The following OPCML variants were observed in gnomAD, a reference collection of about 807,000 sequenced individuals.
OPCML encodes the protein opioid-binding protein/cell adhesion molecule.
A neutral mutation model predicts 37.8 loss-of-function variants in OPCML; 13 were observed. That is an observed-to-expected ratio of 0.34 (90% confidence interval 0.22 to 0.55). The LOEUF (loss-of-function observed/expected upper bound fraction) is 0.55, where lower values mean the gene tolerates loss of function less well. Among genes scored for constraint, OPCML ranks in the 20% least tolerant of loss-of-function variants. OPCML has a pLI of 0.91. For synonymous variants in OPCML, 176 were observed against 168.8 expected (o/e 1.04, Z -0.33); for missense variants, 341 against 435.6 (o/e 0.78, Z 1.93).
intron 1 of OPCML, among the ~76,000 whole-genome samples, chr11:133,235,274 G>C (rs1322745986): frequency 1.3e-5 from 2 of 152,176 alleles, no homozygotes; most frequent in Non-Finnish European, 1.5e-5. Context: ...CCCTCAGTAA[G>C]AGACCAACGT....
intron 3 of OPCML, among the ~76,000 whole-genome samples, chr11:132,596,226 TG>T (rs2096492206): frequency 6.6e-6 from 1 of 152,210 alleles, no homozygotes; most frequent in Non-Finnish European, 1.5e-5. Context: ...ATTTGGCTAC[TG>T]TTATTATTGT....
At chr11:132,710,146 C>T (rs2135945872) in intron 2 of OPCML, among the ~76,000 whole-genome samples, 1 of 152,214 alleles carries the variant, frequency 6.6e-6, no homozygotes, top group South Asian at 2.1e-4. Context: ...ACCTGGGCCA[C>T]AAATATTTCA....
chr11:133,491,440 G>C lies in OPCML; in HGVS notation c.61+40824C>G, dbSNP rs147930471. On this transcript the variant is annotated intron_variant, in intron 1 of 7. Coordinates refer to ENST00000524381, the MANE Select transcript of OPCML (RefSeq NM_001012393.5). ...TCCTCTTGAGAGGAGAAGAGGCTGG[G>C]CTGGGAACATTCTTATTGTGTGGTT... Among the ~76,000 whole-genome samples the C allele has an allele frequency of 1.7e-4, 26 of 152,286 alleles. No homozygotes were observed. In the East Asian group the frequency reaches 5.0e-3, roughly 29 times the overall value.
intron 4 of OPCML, among the ~76,000 whole-genome samples, chr11:132,464,005 T>C (rs985821915): frequency 6.6e-6 from 1 of 152,252 alleles, no homozygotes. Context: ...TCCCTGGAGT[T>C]TGAACTACTA....
intron 1 of OPCML, among the ~76,000 whole-genome samples, chr11:133,261,803 C>T (rs1012405901): frequency 1.3e-5 from 2 of 152,200 alleles, no homozygotes; most frequent in Admixed American, 6.5e-5. Context: ...CTTCTGTGAG[C>T]GGCACCCTCA....
rs371785265 is a variant in OPCML, at chr11:132,746,446, C to T, written c.147-89127G>A. Among the ~76,000 whole-genome samples the T allele has an allele frequency of 5.3e-5, 8 of 152,224 alleles. No homozygotes were observed. In the South Asian group the frequency reaches 1.0e-3, roughly 20 times the overall value. On this transcript the variant is annotated intron_variant, in intron 2 of 7. Coordinates refer to ENST00000524381, the MANE Select transcript of OPCML (RefSeq NM_001012393.5). Reference sequence around the variant, plus strand: ...GACACCACTCTCATCGGCGTTTATACCCACTCCTCCCCCCACCTCTGTGTC... The same window carrying T: ...GACACCACTCTCATCGGCGTTTATATCCACTCCTCCCCCCACCTCTGTGTC...
intron 1 of OPCML, among the ~76,000 whole-genome samples, chr11:133,140,531 T>TAATAATAATAATGAAGAAG (rs1272061685): frequency 1.1e-5 from 1 of 88,086 alleles, no homozygotes; most frequent in Non-Finnish European, 2.2e-5. Context: ...ATAATAATAA[T>TAATAATAATAATGAAGAAG]AAGAAGAAGA....
chr11:133,172,027 C>T (rs1402767493), intron 1 of OPCML, among the ~76,000 whole-genome samples: 1 of 152,226 alleles, frequency 6.6e-6, no homozygotes. Context: ...CAGAAGCTCC[C>T]TGTATGGAAA....
intron 1 of OPCML, among the ~76,000 whole-genome samples, chr11:133,031,028 T>C (rs1947657618): frequency 6.6e-6 from 1 of 152,232 alleles, no homozygotes; most frequent in Admixed American, 6.5e-5. Context: ...AGGATATAAT[T>C]TCCAGAGAAA....
At chr11:132,448,414 C>T (rs1002622352) in intron 4 of OPCML, among the ~76,000 whole-genome samples, 4 of 152,188 alleles carry the variant, frequency 2.6e-5, no homozygotes, top group Admixed American at 6.5e-5. Flanking sequence ...CTGCACACTT[C>T]GCAGAGCATA....
chr11:133,470,074 T>C (rs1452406792), intron 1 of OPCML, among the ~76,000 whole-genome samples: 1 of 152,202 alleles, frequency 6.6e-6, no homozygotes, highest in Admixed American at 6.5e-5. Context: ...TGATTTATTC[T>C]ACCTTCCCTG....
intron 1 of OPCML, among the ~76,000 whole-genome samples, chr11:133,280,645 T>G (rs7949624): frequency 0.033 from 4,994 of 152,278 alleles, 247 homozygotes; most frequent in African/African-American, 0.11. Flanking sequence ...TTTAGCAGGA[T>G]ATTCATATGC....
chr11:132,842,262 G>T (rs751039315), intron 2 of OPCML, among the ~76,000 whole-genome samples: 1 of 152,074 alleles, frequency 6.6e-6, no homozygotes, highest in African/African-American at 2.4e-5. Flanking sequence ...CTCTCACGCC[G>T]CACGTTCCAC....
chr11:133,423,865 C>G (rs974155638), intron 1 of OPCML, among the ~76,000 whole-genome samples: 12 of 151,776 alleles, frequency 7.9e-5, no homozygotes, highest in Non-Finnish European at 1.6e-4. Context: ...GCACCTCCAC[C>G]CCCTCTATTT....
At chr11:133,166,338 G>A (rs1950207837) in intron 1 of OPCML, among the ~76,000 whole-genome samples, 1 of 152,190 alleles carries the variant, frequency 6.6e-6, no homozygotes, top group East Asian at 1.9e-4. Flanking sequence ...TAGCCAGGTA[G>A]TAGTAAGTGC....
chr11:133,484,142 A>G (rs913989642), intron 1 of OPCML, among the ~76,000 whole-genome samples: 1 of 144,070 alleles, frequency 6.9e-6, no homozygotes, highest in African/African-American at 2.7e-5. Context: ...GATAGATGAT[A>G]GATGGATAGA....
At chr11:133,294,034 G>T (rs1037882065) in intron 1 of OPCML, among the ~76,000 whole-genome samples, 1 of 152,086 alleles carries the variant, frequency 6.6e-6, no homozygotes, top group African/African-American at 2.4e-5. Flanking sequence ...TGTGTGAGAA[G>T]AGTTAAGGGA....
intron 1 of OPCML, among the ~76,000 whole-genome samples, chr11:133,370,397 C>G (rs1049277481): frequency 6.9e-6 from 1 of 145,076 alleles, no homozygotes; most frequent in Non-Finnish European, 1.5e-5. Context: ...AATCAATATA[C>G]AAAAATCAGC....
intron 1 of OPCML, among the ~76,000 whole-genome samples, chr11:133,234,596 G>T (rs13377228): frequency 9.8e-4 from 150 of 152,352 alleles, no homozygotes; most frequent in Non-Finnish European, 1.7e-3. Flanking sequence ...TACTCCTCTT[G>T]TATTGGCCTC....
Sources: gnomAD v4.1 joint callset for allele counts (sites outside exome capture counted in the v4.1 genomes callset) on GRCh38, gnomAD v4.1.1 for gene constraint, MANE v1.5 for transcripts, NCBI Gene and HGNC (gene_info 2026-07-23, HGNC 2026-07-21) for gene names.